SLC24A3: variants seen among roughly 807,000 people sequenced by gnomAD.
The protein encoded by SLC24A3 is solute carrier family 24 member 3, also known as sodium/potassium/calcium exchanger 3.
In SLC24A3, 28 loss-of-function variants were observed where a neutral mutation model predicts 75.8. The observed-to-expected ratio is 0.37, with a 90% CI of 0.27 to 0.51. The LOEUF is 0.51. Among genes scored for constraint, SLC24A3 ranks in the 20% least tolerant of loss-of-function variants. The probability of loss-of-function intolerance (pLI) is 0.94; values close to 1 mark genes in which losing one functional copy is unlikely to be tolerated. For synonymous variants in SLC24A3, 372 were observed against 334.1 expected (o/e 1.11, Z -1.24); for missense variants, 663 against 847.8 (o/e 0.78, Z 2.71).
At chr20:19,690,597 T>C (rs1450022010) in intron 12 of SLC24A3, among the ~76,000 whole-genome samples, 2 of 152,270 alleles carry the variant, frequency 1.3e-5, no homozygotes, top group East Asian at 3.9e-4. Flanking sequence ...GTTGAGGGGA[T>C]TCTAGGAGGT....
intron 2 of SLC24A3, among the ~76,000 whole-genome samples, chr20:19,478,100 C>T (rs138776041): frequency 5.4e-4 from 83 of 152,302 alleles, no homozygotes; most frequent in African/African-American, 1.9e-3. Context: ...GCAGGGATTT[C>T]ATTTAGTGAT....
intron 2 of SLC24A3, among the ~76,000 whole-genome samples, chr20:19,373,050 T>A (rs1986018187): frequency 7.7e-6 from 1 of 129,902 alleles, no homozygotes; most frequent in African/African-American, 3.5e-5. Flanking sequence ...AAGAAATTCT[T>A]TAGTTTTGCG....
intron 6 of SLC24A3, among the ~76,000 whole-genome samples, chr20:19,588,552 G>A (rs1393314232): frequency 1.3e-5 from 2 of 152,176 alleles, no homozygotes; most frequent in African/African-American, 4.8e-5. Flanking sequence ...AGGTGCTTTG[G>A]GGAGTTTTAT....
chr20:19,407,474 C>G (rs543307570), intron 2 of SLC24A3, among the ~76,000 whole-genome samples: 1 of 152,116 alleles, frequency 6.6e-6, no homozygotes, highest in Admixed American at 6.5e-5. Flanking sequence ...CCTTTCATGT[C>G]GGACACAGAG....
At chr20:19,717,397 C>T in intron 15 of SLC24A3, 131 bp from the exon 16 acceptor site, 1 of 830,646 alleles carries the variant, frequency 1.2e-6, no homozygotes, top group Non-Finnish European at 1.9e-6. Flanking sequence ...GAAGCTGTTG[C>T]TTTTTCATTC....
intron 16 of SLC24A3, 77 bp downstream of exon 16, chr20:19,717,670 G>A (rs1214361573): frequency 2.6e-5 from 40 of 1,530,308 alleles, no homozygotes; most frequent in Non-Finnish European, 3.5e-5. Context: ...GACCAGATGA[G>A]CTTGGTCTCC....
chr20:19,442,649 G>A (rs6046099), intron 2 of SLC24A3, among the ~76,000 whole-genome samples: 57,452 of 152,002 alleles, frequency 0.38, 10,999 homozygotes, highest in East Asian at 0.46. Context: ...CACCCAGTCT[G>A]TGGCTTGTCT....
chr20:19,678,334 G>A, intron 9 of SLC24A3, among the ~76,000 whole-genome samples: 1 of 125,248 alleles, frequency 8.0e-6, no homozygotes, highest in Non-Finnish European at 1.7e-5. Flanking sequence ...GCCGGGCGGG[G>A]GGCTGACCCC....
chr20:19,302,663 G>A (rs545372871), intron 2 of SLC24A3, among the ~76,000 whole-genome samples: 5 of 152,234 alleles, frequency 3.3e-5, no homozygotes, highest in Admixed American at 6.5e-5. Context: ...GTATGCATAA[G>A]CACTAAATAA....
At chr20:19,524,319 C>T (rs1197872924) in intron 3 of SLC24A3, among the ~76,000 whole-genome samples, 3 of 152,206 alleles carry the variant, frequency 2.0e-5, no homozygotes, top group African/African-American at 7.2e-5. Flanking sequence ...TCAGGACGTA[C>T]AGAATCCTGA....
At chr20:19,639,537 C>T (rs1014858411) in intron 6 of SLC24A3, among the ~76,000 whole-genome samples, 3 of 152,262 alleles carry the variant, frequency 2.0e-5, no homozygotes, top group African/African-American at 7.2e-5. Flanking sequence ...TCCACGTCCC[C>T]ACCAGACTCA....
At chr20:19,400,550 A>G (rs541509855) in intron 2 of SLC24A3, among the ~76,000 whole-genome samples, 60 of 152,220 alleles carry the variant, frequency 3.9e-4, no homozygotes, top group Middle Eastern at 3.4e-3. Flanking sequence ...CTTCATCTGT[A>G]TGTGCTGATC....
Position 19,721,463 on chromosome 20 carries a change from T to A in SLC24A3, c.*323T>A. 3.7e-6 allele frequency: 1 copy of A among 268,160 alleles called. No individual in the cohort carries two copies. The highest frequency in any genetic ancestry group is 5.0e-5 in the Admixed American group (1 of 19,840). The allele number at this position is 268,160 out of a possible 1,614,324, so 16.6% of individuals were successfully genotyped here. ...CTAACTGGCCTGAGCCAGGCAACAC[T>A]GATTCCAATCCCTCCTCCTTTTTTA... On this transcript the variant is annotated 3_prime_UTR_variant, in exon 17 of 17. Coordinates refer to ENST00000328041, the MANE Select transcript of SLC24A3 (RefSeq NM_020689.4).
At chr20:19,296,397 G>C (rs571335987) in intron 2 of SLC24A3, among the ~76,000 whole-genome samples, 1 of 149,656 alleles carries the variant, frequency 6.7e-6, no homozygotes, top group African/African-American at 2.5e-5. Context: ...CTAGCTTTGG[G>C]GTTTGTTTGC....
chr20:19,248,019 G>T (rs1982545097), intron 1 of SLC24A3, among the ~76,000 whole-genome samples: 1 of 152,130 alleles, frequency 6.6e-6, no homozygotes. Flanking sequence ...TCCTTTAAAA[G>T]ACAACTTGCT....
chr20:19,256,880 T>C (rs781130134), intron 1 of SLC24A3, among the ~76,000 whole-genome samples: 38 of 152,144 alleles, frequency 2.5e-4, no homozygotes, highest in Non-Finnish European at 4.6e-4. Context: ...ATTTTGGATA[T>C]ATCAGGTTAG....
At chr20:19,688,577 T>C (rs1308124085) in intron 12 of SLC24A3, among the ~76,000 whole-genome samples, 1 of 152,246 alleles carries the variant, frequency 6.6e-6, no homozygotes, top group Non-Finnish European at 1.5e-5. Flanking sequence ...GAGTCAGTTC[T>C]GGGAGCCCCA....
At chr20:19,505,639 C>T (rs114497685) in intron 2 of SLC24A3, among the ~76,000 whole-genome samples, 2,763 of 151,964 alleles carry the variant, frequency 0.018, 74 homozygotes, top group African/African-American at 0.063. Context: ...TGCTGGGAAC[C>T]CTTAACAGTG....
At chr20:19,284,470 C>T (rs536276322) in intron 2 of SLC24A3, 26 of 152,786 alleles carry the variant, frequency 1.7e-4, no homozygotes, top group African/African-American at 6.0e-4. Context: ...GGACTCTCTC[C>T]CTTCCTATTT....
Sources: allele counts gnomAD v4.1 joint callset (sites outside exome capture counted in the v4.1 genomes callset), GRCh38; gene constraint gnomAD v4.1.1; transcripts MANE v1.5; gene names NCBI Gene and HGNC (gene_info 2026-07-23, HGNC 2026-07-21).